Variants in PTPRD observed in about 807,000 individuals in gnomAD.
The protein encoded by PTPRD is protein tyrosine phosphatase receptor type D.
Under a neutral mutation model 214.5 loss-of-function variants are expected in PTPRD, and 34 were observed. The ratio of observed to expected loss-of-function variants is 0.16; its 90% CI spans 0.12 to 0.21. The LOEUF is 0.21. PTPRD is among the 10% of genes least tolerant of loss of function. PTPRD has a pLI of 1.00. For synonymous variants in PTPRD, 1,128 were observed against 845.7 expected, an observed-to-expected ratio of 1.33 and a Z score of -5.79; for missense variants, 2,545 against 2,398.7, an observed-to-expected ratio of 1.06 and a Z score of -1.27.
At chr9:9,015,299 G>A (rs1277348633) in intron 11 of PTPRD, among the ~76,000 whole-genome samples, 1 of 152,082 alleles carries the variant, frequency 6.6e-6, no homozygotes, top group African/African-American at 2.4e-5. Context: ...AGATCATAAA[G>A]ACGTTGCTGA....
At chr9:9,791,989 T>A (rs1396552666) in intron 5 of PTPRD, among the ~76,000 whole-genome samples, 3 of 152,200 alleles carry the variant, frequency 2.0e-5, no homozygotes, top group Admixed American at 6.5e-5. Flanking sequence ...TAGAGTTCTG[T>A]TGTCCTGAAG....
At chr9:9,735,485 G>T (rs375835776) in intron 6 of PTPRD, among the ~76,000 whole-genome samples, 5 of 152,058 alleles carry the variant, frequency 3.3e-5, no homozygotes, top group African/African-American at 9.7e-5. Flanking sequence ...ATTGTGTAAG[G>T]TTTTATATGT....
chr9:10,160,019 A>G (rs575015121), intron 3 of PTPRD, among the ~76,000 whole-genome samples: 35 of 152,094 alleles, frequency 2.3e-4, no homozygotes, highest in Admixed American at 3.9e-4. Context: ...AAAGGACTCA[A>G]TTCTTCCATT....
intron 5 of PTPRD, among the ~76,000 whole-genome samples, chr9:9,789,897 T>A (rs2098955459): frequency 6.6e-6 from 1 of 151,400 alleles, no homozygotes; most frequent in African/African-American, 2.4e-5. Context: ...TACTGAAATC[T>A]CTCATAAATT....
At chr9:8,763,987 G>A (rs1324623370) in intron 11 of PTPRD, among the ~76,000 whole-genome samples, 1 of 152,130 alleles carries the variant, frequency 6.6e-6, no homozygotes, top group Non-Finnish European at 1.5e-5. Flanking sequence ...AGTTTCAAGA[G>A]TTCATTAAAA....
chr9:8,811,079 G>C (rs552802445), intron 11 of PTPRD, among the ~76,000 whole-genome samples: 1 of 152,176 alleles, frequency 6.6e-6, no homozygotes, highest in East Asian at 1.9e-4. Context: ...GAGTGAAATC[G>C]AAGTTGACCA....
At chr9:9,513,817 T>C (rs1472084260) in intron 8 of PTPRD, among the ~76,000 whole-genome samples, 3 of 151,992 alleles carry the variant, frequency 2.0e-5, no homozygotes, top group Non-Finnish European at 2.9e-5. Context: ...AAAACTCTTG[T>C]TTATTAGGAA....
At chr9:9,213,846 A>G (rs777779566) in intron 9 of PTPRD, among the ~76,000 whole-genome samples, 8 of 152,116 alleles carry the variant, frequency 5.3e-5, no homozygotes, top group African/African-American at 1.9e-4. Flanking sequence ...ATAAACAAGC[A>G]GGAAAAATGC....
chr9:9,800,538 A>G (rs1047382815), intron 5 of PTPRD: 1 of 152,170 alleles, frequency 6.6e-6, no homozygotes, highest in African/African-American at 2.4e-5. Flanking sequence ...ATAACTAATG[A>G]ATTATAGGTC....
chr9:10,279,257 T>C (rs1025138798), intron 3 of PTPRD, among the ~76,000 whole-genome samples: 2 of 152,022 alleles, frequency 1.3e-5, no homozygotes, highest in African/African-American at 4.8e-5. Context: ...ACTGAAAAAA[T>C]ATTGAATGTA....
chr9:10,513,465 T>C (rs2048968940), intron 2 of PTPRD, among the ~76,000 whole-genome samples: 2 of 151,588 alleles, frequency 1.3e-5, no homozygotes, highest in African/African-American at 4.9e-5. Flanking sequence ...AAATTGGGAG[T>C]GGGAAGAATC....
chr9:9,526,450 T>C (rs1025737791), intron 8 of PTPRD, among the ~76,000 whole-genome samples: 1 of 152,194 alleles, frequency 6.6e-6, no homozygotes, highest in Non-Finnish European at 1.5e-5. Context: ...TAAAAATAAA[T>C]ATTTTATATT....
At chr9:10,130,142 C>A (rs1014202946) in intron 3 of PTPRD, among the ~76,000 whole-genome samples, 1 of 150,364 alleles carries the variant, frequency 6.7e-6, no homozygotes, top group Non-Finnish European at 1.5e-5. Flanking sequence ...TAGACTAGCA[C>A]TAACAGTTTT....
intron 3 of PTPRD, among the ~76,000 whole-genome samples, chr9:10,241,043 A>G (rs2090938876): frequency 6.6e-6 from 1 of 151,804 alleles, no homozygotes; most frequent in East Asian, 1.9e-4. Context: ...AAAAGATTTG[A>G]ACAGACATTT....
At chr9:10,416,270 A>G (rs2098486672) in intron 2 of PTPRD, among the ~76,000 whole-genome samples, 1 of 151,938 alleles carries the variant, frequency 6.6e-6, no homozygotes, top group Admixed American at 6.6e-5. Flanking sequence ...AGGCAGGAGA[A>G]TTGCTTGAAC....
chr9:9,440,839 T>G (rs2144354546), intron 8 of PTPRD, among the ~76,000 whole-genome samples: 1 of 152,336 alleles, frequency 6.6e-6, no homozygotes, highest in East Asian at 1.9e-4. Flanking sequence ...TTCATGATTA[T>G]GTTTAGCACA....
intron 7 of PTPRD, among the ~76,000 whole-genome samples, chr9:9,656,338 T>C (rs769876606): frequency 2.0e-5 from 3 of 152,162 alleles, no homozygotes; most frequent in Non-Finnish European, 4.4e-5. Context: ...TTATTGACAA[T>C]TGTCAAAACT....
At chr9:8,619,962 C>G (rs1014797329) in intron 14 of PTPRD, among the ~76,000 whole-genome samples, 1 of 152,102 alleles carries the variant, frequency 6.6e-6, no homozygotes, top group Non-Finnish European at 1.5e-5. Context: ...TTTGGTCAAG[C>G]CACCTCTGAA....
chr9:9,031,641 A>C (rs915049864), intron 10 of PTPRD, among the ~76,000 whole-genome samples: 1 of 152,076 alleles, frequency 6.6e-6, no homozygotes, highest in Non-Finnish European at 1.5e-5. Context: ...CAGTGACTGG[A>C]ATGTTGTATA....
Sources: gnomAD v4.1 joint callset for allele counts (sites outside exome capture counted in the v4.1 genomes callset) on GRCh38, gnomAD v4.1.1 for gene constraint, MANE v1.5 for transcripts, NCBI Gene and HGNC (gene_info 2026-07-23, HGNC 2026-07-21) for gene names.